MGAT4C: variants seen among roughly 807,000 people sequenced by gnomAD.
MGAT4C encodes alpha-1,3-mannosyl-glycoprotein 4-beta-N-acetylglucosaminyltransferase C.
A neutral mutation model predicts 40.1 loss-of-function variants in MGAT4C; 19 were observed. That is an observed-to-expected ratio of 0.47 (90% CI 0.33 to 0.70). MGAT4C has a LOEUF of 0.70. Among genes scored for constraint, MGAT4C ranks in the 30% least tolerant of loss-of-function variants. The pLI, the probability that MGAT4C is intolerant of heterozygous loss-of-function variation, is 0.02. For missense variants in MGAT4C, 491 were observed against 563.2 expected, an observed-to-expected ratio of 0.87 and a Z score of 1.30; for synonymous variants, 181 against 187.1, an observed-to-expected ratio of 0.97 and a Z score of 0.27.
At chr12:86,758,486 G>A (rs1380326402) in intron 1 of MGAT4C, among the ~76,000 whole-genome samples, 1 of 150,106 alleles carries the variant, frequency 6.7e-6, no homozygotes, top group Non-Finnish European at 1.5e-5. Context: ...TTAAGTCGTT[G>A]CCTAACTTTT....
intron 2 of MGAT4C, among the ~76,000 whole-genome samples, chr12:86,693,934 C>T (rs982698963): frequency 1.3e-5 from 2 of 152,096 alleles, no homozygotes; most frequent in Non-Finnish European, 2.9e-5. Flanking sequence ...TGAGAGCTTT[C>T]GCCAATAATG....
intron 2 of MGAT4C, among the ~76,000 whole-genome samples, chr12:86,532,383 T>C (rs2136374182): frequency 6.6e-6 from 1 of 152,112 alleles, no homozygotes; most frequent in African/African-American, 2.4e-5. Flanking sequence ...CAGAATAAAA[T>C]GCTCTAAGAA....
At chr12:86,402,405 G>C (rs1185461486) in intron 3 of MGAT4C, among the ~76,000 whole-genome samples, 1 of 151,852 alleles carries the variant, frequency 6.6e-6, no homozygotes, top group Non-Finnish European at 1.5e-5. Flanking sequence ...ATCCAGCCTG[G>C]GCAAAAGAGC....
At chr12:86,459,372 G>A (rs1957558088) in intron 2 of MGAT4C, among the ~76,000 whole-genome samples, 1 of 151,806 alleles carries the variant, frequency 6.6e-6, no homozygotes, top group African/African-American at 2.4e-5. Context: ...AGCCTATATT[G>A]GGTGGGTGTC....
intron 2 of MGAT4C, among the ~76,000 whole-genome samples, chr12:86,531,596 T>C (rs1392476942): frequency 2.0e-5 from 3 of 152,068 alleles, no homozygotes; most frequent in Non-Finnish European, 2.9e-5. Flanking sequence ...AATATTATAT[T>C]GAAGCCACTT....
At chr12:86,513,167 A>T (rs1016269315) in intron 2 of MGAT4C, among the ~76,000 whole-genome samples, 10 of 152,154 alleles carry the variant, frequency 6.6e-5, no homozygotes, top group Non-Finnish European at 1.5e-4. Context: ...TTAACTACAA[A>T]ACCAAGAAGT....
chr12:86,788,550 C>T (rs1375663554), intron 1 of MGAT4C, among the ~76,000 whole-genome samples: 1 of 152,026 alleles, frequency 6.6e-6, no homozygotes, highest in Non-Finnish European at 1.5e-5. Context: ...GCCATGGATC[C>T]TGTCAAAAAA....
chr12:86,253,365 AAAGAG>A (rs1439027799), intron 1 of MGAT4C, among the ~76,000 whole-genome samples: 1 of 151,838 alleles, frequency 6.6e-6, no homozygotes, highest in Non-Finnish European at 1.5e-5. Flanking sequence ...AGAAAGAAAG[AAAGAG>A]AAATTGATTG....
intron 2 of MGAT4C, among the ~76,000 whole-genome samples, chr12:86,463,986 G>GTTGC (rs1461678973): frequency 6.6e-6 from 1 of 152,156 alleles, no homozygotes; most frequent in Non-Finnish European, 1.5e-5. Context: ...TTTCAGAGGT[G>GTTGC]TTGCTGTTAC....
At chr12:86,521,880 G>A (rs1010470086) in intron 2 of MGAT4C, among the ~76,000 whole-genome samples, 77 of 152,086 alleles carry the variant, frequency 5.1e-4, no homozygotes, top group African/African-American at 1.7e-3. Flanking sequence ...GAATGGGATT[G>A]CCTTCCTGAT....
chr12:86,504,290 A>T (rs1345435048), intron 2 of MGAT4C, among the ~76,000 whole-genome samples: 1 of 152,162 alleles, frequency 6.6e-6, no homozygotes, highest in Non-Finnish European at 1.5e-5. Context: ...ACACCTGGGC[A>T]TATAACCAAA....
intron 2 of MGAT4C, among the ~76,000 whole-genome samples, chr12:86,637,244 A>T (rs761883312): frequency 1.1e-4 from 17 of 151,998 alleles, no homozygotes; most frequent in African/African-American, 1.7e-4. Context: ...ATATTTGTTC[A>T]TGGTAATAAG....
At chr12:86,620,209 G>C (rs893102683) in intron 2 of MGAT4C, among the ~76,000 whole-genome samples, 8 of 152,010 alleles carry the variant, frequency 5.3e-5, no homozygotes, top group African/African-American at 1.9e-4. Context: ...CCACTGCTGG[G>C]TAATTACTCA....
chr12:86,531,987 C>T (rs2136373683), intron 2 of MGAT4C, among the ~76,000 whole-genome samples: 2 of 151,934 alleles, frequency 1.3e-5, no homozygotes, highest in Middle Eastern at 6.8e-3. Context: ...TGGTAAATTG[C>T]AAATTTACAC....
In MGAT4C at chr12:86,822,755, G is replaced by A. The variant is rs533604848; in HGVS notation, c.-262+15911C>T. Among the ~76,000 whole-genome samples, 31 of 151,010 alleles carry A rather than the reference G, an allele frequency of 2.1e-4. No individual in the cohort carries two copies. In the South Asian group the frequency reaches 5.6e-3, roughly 27 times the overall value. On this transcript the variant is annotated intron_variant, in intron 1 of 7. Coordinates refer to the MGAT4C transcript ENST00000548651. ...ATTCAATACCGCACACTCAGGAATGGGTAGTAACCACACAAAAAATCAGTA... is the reference window on the plus strand; with the variant it reads ...ATTCAATACCGCACACTCAGGAATGAGTAGTAACCACACAAAAAATCAGTA...
chr12:86,653,123 A>G (rs1963740058), intron 2 of MGAT4C, among the ~76,000 whole-genome samples: 1 of 151,882 alleles, frequency 6.6e-6, no homozygotes, highest in African/African-American at 2.4e-5. Context: ...AGATACAATA[A>G]ACTATTATGA....
chr12:86,233,880 TTTA>T (rs1237108949), intron 1 of MGAT4C, among the ~76,000 whole-genome samples: 1 of 152,174 alleles, frequency 6.6e-6, no homozygotes, highest in African/African-American at 2.4e-5. Flanking sequence ...CTCTGTTTGT[TTTA>T]TTCTATTATG....
intron 4 of MGAT4C, among the ~76,000 whole-genome samples, chr12:86,306,410 C>T (rs1315830214): frequency 6.7e-6 from 1 of 150,370 alleles, no homozygotes; most frequent in Non-Finnish European, 1.5e-5. Flanking sequence ...GGATTAGTCT[C>T]ATATAAACCA....
chr12:86,442,168 T>G (rs990327785), intron 2 of MGAT4C, among the ~76,000 whole-genome samples: 4 of 152,238 alleles, frequency 2.6e-5, no homozygotes, highest in Non-Finnish European at 4.4e-5. Context: ...GTTCATATCC[T>G]TTGCCCACTT....
Sources: allele counts gnomAD v4.1 joint callset (sites outside exome capture counted in the v4.1 genomes callset), GRCh38; gene constraint gnomAD v4.1.1; transcripts MANE v1.5; gene names NCBI Gene and HGNC (gene_info 2026-07-23, HGNC 2026-07-21).